Variants in RMST observed in about 807,000 individuals in gnomAD.
The protein encoded by RMST is long intergenic non-protein coding RNA 54.
intron 10 of RMST, among the ~76,000 whole-genome samples, chr12:97,520,779 TA>T (rs1335279771): frequency 1.3e-5 from 2 of 152,178 alleles, no homozygotes; most frequent in Non-Finnish European, 2.9e-5. Context: ...CTTTGCAATT[TA>T]GTCAATTTTA....
intron 11 of RMST, among the ~76,000 whole-genome samples, chr12:97,538,240 G>A (rs1180374970): frequency 6.6e-6 from 1 of 151,338 alleles, no homozygotes; most frequent in Non-Finnish European, 1.5e-5. Flanking sequence ...TTGCCTTCAG[G>A]TTGTTTTGAA....
chr12:97,482,694 AT>A (rs1332116973), intron 5 of RMST, among the ~76,000 whole-genome samples: 1 of 71,620 alleles, frequency 1.4e-5, no homozygotes, highest in Non-Finnish European at 2.6e-5. Flanking sequence ...TTTATTATTT[AT>A]TTAATAAATA....
chr12:97,464,196 T>A (rs1185247578), intron 4 of RMST, among the ~76,000 whole-genome samples: 6 of 152,190 alleles, frequency 3.9e-5, no homozygotes, highest in Non-Finnish European at 8.8e-5. Context: ...GGAGGTTAAG[T>A]GATTTTTATG....
At chr12:97,477,995 T>A (rs1245310175) in intron 5 of RMST, among the ~76,000 whole-genome samples, 2 of 152,202 alleles carry the variant, frequency 1.3e-5, no homozygotes, top group Non-Finnish European at 2.9e-5. Context: ...GTTATATCCT[T>A]CTAAGTGAAT....
At chr12:97,540,937 GATAGAT>G (rs1480034060) in intron 11 of RMST, among the ~76,000 whole-genome samples, 1 of 112,094 alleles carries the variant, frequency 8.9e-6, no homozygotes, top group Non-Finnish European at 1.9e-5. Flanking sequence ...TAGATAGAGA[GATAGAT>G]AGATATAGAT....
intron 5 of RMST, among the ~76,000 whole-genome samples, chr12:97,487,840 A>C (rs1876286643): frequency 6.6e-6 from 1 of 152,150 alleles, no homozygotes; most frequent in Admixed American, 6.6e-5. Context: ...TTCACGGTTG[A>C]GGTTGCTGAC....
At chr12:97,523,642 T>G (rs1592735609) in intron 10 of RMST, among the ~76,000 whole-genome samples, 1 of 152,194 alleles carries the variant, frequency 6.6e-6, no homozygotes, top group Non-Finnish European at 1.5e-5. Flanking sequence ...CAATTTTTTT[T>G]TCTTGCCTCT....
chr12:97,480,087 TTCTTTTTTTTTC>T (rs1350219854), intron 5 of RMST, among the ~76,000 whole-genome samples: 1 of 100,432 alleles, frequency 1.0e-5, no homozygotes, highest in Non-Finnish European at 2.3e-5. Context: ...CTTTTCTTTT[TTCTTTTTTTTTC>T]TTTTTTTTTG....
intron 10 of RMST, among the ~76,000 whole-genome samples, chr12:97,522,413 C>T (rs1240836381): frequency 6.6e-6 from 1 of 152,182 alleles, no homozygotes; most frequent in East Asian, 1.9e-4. Flanking sequence ...AGAGAAAACA[C>T]ATAGGCCGTG....
At chr12:97,545,337 A>T (rs1032772152) in intron 11 of RMST, among the ~76,000 whole-genome samples, 1 of 152,052 alleles carries the variant, frequency 6.6e-6, no homozygotes, top group African/African-American at 2.4e-5. Context: ...TGACATTGCG[A>T]GTATAGAGGG....
At chr12:97,553,254 AGTTGT>A (rs1486956673) in intron 11 of RMST, among the ~76,000 whole-genome samples, 1 of 151,934 alleles carries the variant, frequency 6.6e-6, no homozygotes, top group African/African-American at 2.4e-5. Context: ...TACCTTTTAA[AGTTGT>A]GTTTGGAGAA....
chr12:97,481,076 A>G (rs903367048), intron 5 of RMST, among the ~76,000 whole-genome samples: 3 of 152,240 alleles, frequency 2.0e-5, no homozygotes, highest in Admixed American at 6.5e-5. Context: ...CAGAACTGGA[A>G]CGATCTTTGT....
intron 10 of RMST, among the ~76,000 whole-genome samples, chr12:97,498,703 C>A (rs1364241545): frequency 2.0e-5 from 3 of 152,136 alleles, no homozygotes; most frequent in Non-Finnish European, 2.9e-5. Flanking sequence ...AAAGCCAGTA[C>A]CTTCTGTCAG....
intron 10 of RMST, among the ~76,000 whole-genome samples, chr12:97,498,066 G>A (rs190839149): frequency 3.9e-5 from 6 of 152,312 alleles, no homozygotes; most frequent in Admixed American, 3.9e-4. Context: ...TAGAGGAGGG[G>A]AGGGAACAAG....
intron 5 of RMST, among the ~76,000 whole-genome samples, chr12:97,469,162 G>GTGTGTGTGTGTGTGTGTGTA (rs1436812210): frequency 6.8e-6 from 1 of 147,204 alleles, no homozygotes; most frequent in Non-Finnish European, 1.5e-5. Context: ...GTGTGTGTGT[G>GTGTGTGTGTGTGTGTGTGTA]TGTGTGTGTG....
At chr12:97,465,691 G>T (rs1873103580) in exon 5 of RMST, 1 of 151,998 alleles carries the variant, frequency 6.6e-6, no homozygotes, top group African/African-American at 2.4e-5. Context: ...CAGGAAAATG[G>T]GTTCCATGAG....
chr12:97,481,601 A>C (rs1007111739), intron 5 of RMST, among the ~76,000 whole-genome samples: 1 of 152,106 alleles, frequency 6.6e-6, no homozygotes, highest in Non-Finnish European at 1.5e-5. Flanking sequence ...CTATTTTCTC[A>C]GGAAGAAGAG....
chr12:97,541,331 C>A lies in RMST; in HGVS notation n.1545+10472C>A, dbSNP rs1005499032. ...AAGGTAGGAGAATATACTTGGAATC[C>A]TTTTCCGGACTGTTTGGAAAAACAA... On this transcript the variant is annotated intron_variant and non_coding_transcript_variant, in intron 11 of 13. Coordinates refer to ENST00000640149, the Ensembl canonical transcript of RMST. 2.6e-5 allele frequency: 4 copies of A among 151,644 alleles called. No individual in the cohort carries two copies. In the Admixed American group the frequency reaches 2.6e-4, roughly 10 times the overall value. 9.4% of individuals were successfully genotyped at this position (151,644 alleles called of 1,614,324 possible).
intron 11 of RMST, among the ~76,000 whole-genome samples, chr12:97,546,707 A>C (rs538398320): frequency 6.8e-4 from 104 of 152,128 alleles, no homozygotes; most frequent in Non-Finnish European, 1.3e-3. Flanking sequence ...TATATTTATC[A>C]TGTACAATAT....
Sources: allele counts gnomAD v4.1 joint callset (sites outside exome capture counted in the v4.1 genomes callset), GRCh38; gene constraint gnomAD v4.1.1; transcripts MANE v1.5; gene names NCBI Gene and HGNC (gene_info 2026-07-23, HGNC 2026-07-21).